Variants in CLMP observed in about 807,000 individuals in gnomAD.
CLMP encodes CXADR like cell adhesion molecule, also known as CXADR-like membrane protein.
Under a neutral mutation model 45.2 loss-of-function variants are expected in CLMP, and 27 were observed. That is an observed-to-expected ratio of 0.60 (90% confidence interval 0.44 to 0.82). CLMP has a LOEUF of 0.82. Among genes scored for constraint, CLMP ranks in the 40% least tolerant of loss-of-function variants. CLMP has a pLI of 0.00. For synonymous variants in CLMP, 167 were observed against 171.4 expected (o/e 0.97, Z 0.20); for missense variants, 403 against 448.4 (o/e 0.90, Z 0.91).
intron 1 of CLMP, among the ~76,000 whole-genome samples, chr11:123,158,844 A>T (rs1337698690): frequency 6.6e-6 from 1 of 152,242 alleles, no homozygotes; most frequent in Non-Finnish European, 1.5e-5. Flanking sequence ...GATACACAGC[A>T]CACAAGGTAG....
intron 1 of CLMP, among the ~76,000 whole-genome samples, chr11:123,169,168 A>T (rs1861597468): frequency 1.3e-5 from 2 of 152,104 alleles, no homozygotes; most frequent in Admixed American, 1.3e-4. Context: ...AGGAGGTGCA[A>T]AGAGGAAGAG....
chr11:123,169,776 T>C (rs753707521), intron 1 of CLMP, among the ~76,000 whole-genome samples: 1 of 152,162 alleles, frequency 6.6e-6, no homozygotes, highest in Non-Finnish European at 1.5e-5. Flanking sequence ...ACATTTAAGA[T>C]GTACATTGGT....
intron 1 of CLMP, among the ~76,000 whole-genome samples, chr11:123,099,090 A>G (rs1866024715): frequency 6.6e-6 from 1 of 151,896 alleles, no homozygotes; most frequent in African/African-American, 2.4e-5. Flanking sequence ...CCTTGGCCTC[A>G]CAAAGTGCTA....
At position 123,104,442 on chromosome 11, in the gene CLMP, T is replaced by A. The variant is rs1212563328; in HGVS notation, c.29-6490A>T. ...CCCTGTTGCTCAGGCTGGAATGCAATGGCGTCATCTCAGCTCGCTGTAACC... is the reference window on the plus strand; with the variant it reads ...CCCTGTTGCTCAGGCTGGAATGCAAAGGCGTCATCTCAGCTCGCTGTAACC... On this transcript the variant is annotated intron_variant, in intron 1 of 6. Coordinates refer to ENST00000448775, the MANE Select transcript of CLMP (RefSeq NM_024769.5). Among the ~76,000 whole-genome samples the A allele has an allele frequency of 2.0e-5, 3 of 151,010 alleles. No homozygotes were observed. The East Asian group carries it at 5.9e-4, about 30-fold the overall frequency.
chr11:123,110,798 G>C (rs1860627915), intron 1 of CLMP, among the ~76,000 whole-genome samples: 2 of 152,108 alleles, frequency 1.3e-5, no homozygotes, highest in Admixed American at 6.6e-5. Context: ...AGGAAGGAAA[G>C]GGCTTATGCC....
chr11:123,141,306 T>C (rs1861154315), intron 1 of CLMP, among the ~76,000 whole-genome samples: 1 of 146,456 alleles, frequency 6.8e-6, no homozygotes. Flanking sequence ...TGCCTCAGCC[T>C]CCCGAGTAGC....
Position 123,084,644 on chromosome 11 carries a change from C to G in CLMP, c.256G>C (p.Ala86Pro). 1.2e-6 allele frequency: 2 copies of G among 1,614,208 alleles called. No individual in the cohort carries two copies. The highest frequency in any genetic ancestry group is 1.1e-5 in the South Asian group (1 of 91,090). The change falls in exon 3 of 7, where the codon GCT (alanine) becomes CCT (proline). Residue 86 changes from alanine (A) to proline (P), a missense_variant. Coordinates refer to ENST00000448775, the MANE Select transcript of CLMP (RefSeq NM_024769.5). ...GCATCTCCTGCCAGGAAATTGGAAG[C>G]AAAGGCCACTCGGCCCTTCTGTTCC... ...TEEQKGRVAF[A>P]SNFLAGDASL...
At chr11:123,155,381 A>C (rs1305919490) in intron 1 of CLMP, among the ~76,000 whole-genome samples, 1 of 152,210 alleles carries the variant, frequency 6.6e-6, no homozygotes, top group African/African-American at 2.4e-5. Flanking sequence ...CAAGTGCTGA[A>C]GGTGGGAACA....
chr11:123,117,449 C>T (rs1235544773), intron 1 of CLMP, among the ~76,000 whole-genome samples: 1 of 151,578 alleles, frequency 6.6e-6, no homozygotes, highest in Non-Finnish European at 1.5e-5. Context: ...ATTTTTTAGC[C>T]AGAGTGTTGC....
chr11:123,135,466 A>G (rs1328710491), intron 1 of CLMP, among the ~76,000 whole-genome samples: 1 of 152,196 alleles, frequency 6.6e-6, no homozygotes, highest in Non-Finnish European at 1.5e-5. Flanking sequence ...GGTGTCTGTC[A>G]TAGATATTTC....
At chr11:123,194,383 T>A (rs1861949882) in intron 1 of CLMP, among the ~76,000 whole-genome samples, 1 of 151,996 alleles carries the variant, frequency 6.6e-6, no homozygotes, top group Admixed American at 6.6e-5. Context: ...CCCTTTCCCC[T>A]TTTCCTTCCT....
At chr11:123,118,995 TTCTTTCTCTC>T (rs1860767361) in intron 1 of CLMP, among the ~76,000 whole-genome samples, 14 of 18,404 alleles carry the variant, frequency 7.6e-4, no homozygotes, top group Admixed American at 1.3e-3. Context: ...CTTTCTTTCT[TTCTTTCTCTC>T]TCTCTCTCTC....
At position 123,195,226 on chromosome 11, in the gene CLMP, C is replaced by A. The variant is rs527844996; in HGVS notation, c.-286G>T. The A allele has an allele frequency of 4.2e-6, 1 of 237,260 alleles. No individual in the cohort carries two copies. Among genetic ancestry groups the A allele is most frequent in the East Asian group, 9.8e-5 (1 of 10,180 alleles). The allele number at this position is 237,260 out of a possible 1,614,324, so 14.7% of individuals were successfully genotyped here. On this transcript the variant is annotated 5_prime_UTR_variant, in exon 1 of 7. Coordinates refer to ENST00000448775, the MANE Select transcript of CLMP (RefSeq NM_024769.5). ...GCTACCGCTTCGTGGAACACTTTTC[C>A]CTGTTTGGAAAGAAAAAGGAGTGAA...
At chr11:123,173,224 C>T (rs866393617) in intron 1 of CLMP, among the ~76,000 whole-genome samples, 10 of 152,358 alleles carry the variant, frequency 6.6e-5, no homozygotes, top group Middle Eastern at 3.4e-3. Flanking sequence ...GTGCCAGCTG[C>T]AGTGCTGATA....
intron 5 of CLMP, among the ~76,000 whole-genome samples, chr11:123,081,515 G>C (rs1865803449): frequency 6.6e-6 from 1 of 152,158 alleles, no homozygotes; most frequent in Admixed American, 6.6e-5. Context: ...AACACCCACT[G>C]TATGTCAAGC....
intron 1 of CLMP, among the ~76,000 whole-genome samples, chr11:123,156,400 T>G (rs1217591953): frequency 6.6e-6 from 1 of 152,360 alleles, no homozygotes; most frequent in East Asian, 1.9e-4. Context: ...TTCAGAGGAC[T>G]GTAGCCCAAT....
chr11:123,120,967 C>T (rs576607666), intron 1 of CLMP, among the ~76,000 whole-genome samples: 3 of 151,646 alleles, frequency 2.0e-5, no homozygotes, highest in South Asian at 2.1e-4. Flanking sequence ...TCTACTAAAA[C>T]TACAAAAAAT....
chr11:123,110,179 C>T (rs1860618666), intron 1 of CLMP, among the ~76,000 whole-genome samples: 1 of 151,972 alleles, frequency 6.6e-6, no homozygotes, highest in South Asian at 2.1e-4. Context: ...TGGTGTTGCC[C>T]ATGCGATGGC....
intron 1 of CLMP, among the ~76,000 whole-genome samples, chr11:123,115,895 A>T (rs1355970974): frequency 6.6e-6 from 1 of 152,158 alleles, no homozygotes; most frequent in African/African-American, 2.4e-5. Flanking sequence ...AGCATGGCTT[A>T]GCTGGGTGGC....
Sources: gnomAD v4.1 joint callset for allele counts (sites outside exome capture counted in the v4.1 genomes callset) on GRCh38, gnomAD v4.1.1 for gene constraint, MANE v1.5 for transcripts, NCBI Gene and HGNC (gene_info 2026-07-23, HGNC 2026-07-21) for gene names.